The following ZNF727 variants were observed in gnomAD, a reference collection of about 807,000 sequenced individuals.
ZNF727 encodes putative zinc finger protein 727.
Under a neutral mutation model 11.5 loss-of-function variants are expected in ZNF727, and 11 were observed. The ratio of observed to expected loss-of-function variants is 0.95; its 90% CI spans 0.60 to 1.58. The LOEUF (loss-of-function observed/expected upper bound fraction) is 1.58. Among genes scored for constraint, ZNF727 ranks in the 40% most tolerant of loss-of-function variants. The pLI is 0.00. For missense variants in ZNF727, 533 were observed against 581.7 expected, an observed-to-expected ratio of 0.92 and a Z score of 0.86; for synonymous variants, 171 against 196.1, an observed-to-expected ratio of 0.87 and a Z score of 1.07.
At chr7:64,075,891 A>G (rs17139136) in intron 3 of ZNF727, among the ~76,000 whole-genome samples, 4,334 of 152,288 alleles carry the variant, frequency 0.028, 205 homozygotes, top group East Asian at 0.18. Flanking sequence ...AAAAGTTCAA[A>G]TTGAACAAAA....
Position 64,078,424 on chromosome 7 carries a change from A to G in ZNF727, c.1375A>G (p.Lys459Glu). Residue 459 changes from lysine (K) to glutamate (E), a missense_variant, in exon 4 of 4, where the codon AAA (lysine) becomes GAA (glutamate). Physicochemically the swap from Lys to Glu is moderately conservative, Grantham distance 56. Coordinates refer to ENST00000456806, the MANE Select transcript of ZNF727 (RefSeq NM_001159522.3). ...EKPYKCEECG[K>E]TFTCSSSLIK... ...GCCCTACAAATGTGAAGAATGTGGC[A>G]AAACCTTTACCTGCTCCTCAAGCCT... 1.3e-6 allele frequency: 2 copies of G among 1,591,068 alleles called. No homozygotes were observed. The highest frequency in any genetic ancestry group is 1.7e-6 in the Non-Finnish European group (2 of 1,168,288).
At chr7:64,050,106 A>G (rs1789568073) in intron 1 of ZNF727, among the ~76,000 whole-genome samples, 1 of 152,020 alleles carries the variant, frequency 6.6e-6, no homozygotes, top group Admixed American at 6.5e-5. Context: ...GTCAGAAGAC[A>G]CTGTTTTTTA....
rs1283394589 is a variant in ZNF727 at position 64,079,543 on chromosome 7, A to G, written c.*994A>G. On this transcript the variant is annotated 3_prime_UTR_variant, in exon 4 of 4. Transcript: ENST00000456806. ...TTACTGTTTTCTATTTGCTTGGTAG[A>G]CTTTTCCCTTTATTTTGAGCTTATT... Among the ~76,000 whole-genome samples the G allele has an allele frequency of 1.3e-5, 2 of 152,134 alleles. No homozygotes were observed. Among genetic ancestry groups the G allele is most frequent in the African/African-American group, 4.8e-5 (2 of 41,442 alleles).
In ZNF727 at chr7:64,081,576, C is replaced by G. The variant is rs1018759912; in HGVS notation, c.*3027C>G. Among the ~76,000 whole-genome samples, 1 of 152,054 alleles carries G rather than the reference C, an allele frequency of 6.6e-6. No individual in the cohort carries two copies. Among genetic ancestry groups the G allele is most frequent in the African/African-American group, 2.4e-5 (1 of 41,396 alleles). On this transcript the variant is annotated 3_prime_UTR_variant, in exon 4 of 4. Transcript: ENST00000456806. ...TCACAGGGGCTGCCTTGCCGGAGCT[C>G]TTCATGGGTCAGGCATGGCCCACCA... is the stretch of plus-strand genomic sequence containing the variant.
intron 1 of ZNF727, among the ~76,000 whole-genome samples, chr7:64,052,381 T>C (rs1316559796): frequency 0.04 from 491 of 12,180 alleles, 2 homozygotes; most frequent in Middle Eastern, 0.077. Context: ...TCTCTCTCTT[T>C]TTTTTTTTTT....
chr7:64,055,244 C>A (rs1789664729), intron 1 of ZNF727, among the ~76,000 whole-genome samples: 1 of 151,998 alleles, frequency 6.6e-6, no homozygotes, highest in Middle Eastern at 3.4e-3. Flanking sequence ...TGGTGAAACT[C>A]CATATCTACT....
intron 1 of ZNF727, among the ~76,000 whole-genome samples, chr7:64,067,362 A>C (rs190435388): frequency 6.6e-6 from 1 of 151,714 alleles, no homozygotes; most frequent in East Asian, 1.9e-4. Flanking sequence ...AACCAGAAAT[A>C]TTGACCCAGC....
chr7:64,047,835 C>G (rs1185893567), intron 1 of ZNF727, among the ~76,000 whole-genome samples: 1 of 152,252 alleles, frequency 6.6e-6, no homozygotes, highest in African/African-American at 2.4e-5. Flanking sequence ...GAAAAAGGCA[C>G]AAATGCATCT....
chr7:64,073,448 CT>C (rs141437202), intron 3 of ZNF727, among the ~76,000 whole-genome samples: 2 of 151,150 alleles, frequency 1.3e-5, no homozygotes, highest in East Asian at 1.9e-4. Context: ...CTACTGGGTT[CT>C]TTTTTTTCTT....
chr7:64,078,765 T>C lies in ZNF727; in HGVS notation c.*216T>C, dbSNP rs1345112154. 6.6e-6 allele frequency among the ~76,000 whole-genome samples: 1 copy of C among 151,470 alleles called. No homozygotes were observed. Among genetic ancestry groups the C allele is most frequent in the Non-Finnish European group, 1.5e-5 (1 of 67,850 alleles). On this transcript the variant is annotated 3_prime_UTR_variant, in exon 4 of 4. Coordinates refer to ENST00000456806, the MANE Select transcript of ZNF727 (RefSeq NM_001159522.3). ...CAAATGTGAAGAATGCGGCAAAACC[T>C]GTGTTTCTCAGACCTGACTAATCAA...
At chr7:64,075,360 A>G (rs184478639) in intron 3 of ZNF727, among the ~76,000 whole-genome samples, 193 of 152,198 alleles carry the variant, frequency 1.3e-3, no homozygotes, top group Non-Finnish European at 1.7e-3. Flanking sequence ...TGCCTATTTC[A>G]TCATATTTTC....
chr7:64,069,585 C>G lies in ZNF727; in HGVS notation c.202C>G (p.Gln68Glu). Residue 68 changes from glutamine to glutamate, a missense_variant, in exon 3 of 4, where the codon CAG (glutamine) becomes GAG (glutamate). By Grantham distance (29) the Gln-to-Glu change is conservative. Coordinates refer to ENST00000456806, the MANE Select transcript of ZNF727 (RefSeq NM_001159522.3). ...QRKEPWNARRQKTVAKHPAGS... is the reference protein window; with the variant it reads ...QRKEPWNARREKTVAKHPAGS... ...AAAAGAGCCTTGGAATGCGAGGAGA[C>G]AGAAGACAGTAGCCAAACACCCAGG... 2 of 1,562,892 alleles carry G rather than the reference C, an allele frequency of 1.3e-6. No individual in the cohort carries two copies. Among genetic ancestry groups the G allele is most frequent in the Admixed American group, 1.9e-5 (1 of 52,238 alleles).
Position 64,083,837 on chromosome 7 carries a change from T to G in ZNF727, c.*5288T>G, listed in dbSNP as rs1446701958. Among the ~76,000 whole-genome samples, 1 of 152,192 alleles carries G rather than the reference T, an allele frequency of 6.6e-6. No homozygotes were observed. Reference sequence around the variant, plus strand: ...TTTCATTAGTTCCAATGCAAGTACCTGGATGTTTCAGTTGAAGGTGCTGTA... The same window carrying G: ...TTTCATTAGTTCCAATGCAAGTACCGGGATGTTTCAGTTGAAGGTGCTGTA... On this transcript the variant is annotated 3_prime_UTR_variant, in exon 4 of 4. Coordinates refer to ENST00000456806, the MANE Select transcript of ZNF727 (RefSeq NM_001159522.3).
chr7:64,082,439 G>A lies in ZNF727; in HGVS notation c.*3890G>A, dbSNP rs188610218. Among the ~76,000 whole-genome samples, 28 of 152,310 alleles carry A rather than the reference G, an allele frequency of 1.8e-4. No homozygotes were observed. In the East Asian group the frequency reaches 2.1e-3, roughly 12 times the overall value. On this transcript the variant is annotated 3_prime_UTR_variant, in exon 4 of 4. Transcript: ENST00000456806. ...GTGAATACTGTAAAACAGCAACAAT[G>A]GCAGCATGCCCTTTTTTCTAAGAGC... is the stretch of plus-strand genomic sequence containing the variant.
At chr7:64,075,787 G>T (rs367764598) in intron 3 of ZNF727, among the ~76,000 whole-genome samples, 1 of 152,036 alleles carries the variant, frequency 6.6e-6, no homozygotes, top group Admixed American at 6.6e-5. Context: ...GTACTGTGCC[G>T]TCTACCTGAG....
In ZNF727 at chr7:64,059,232, C is replaced by T. The variant is rs1011210250; in HGVS notation, c.4-9659C>T. On this transcript the variant is annotated intron_variant, in intron 1 of 3. Coordinates refer to ENST00000456806, the MANE Select transcript of ZNF727 (RefSeq NM_001159522.3). ...TGCTGGGATTACAGGCATGAGCCGCCGCACCTGGCTGGCTATTGCATTGTC... is the reference window on the plus strand; with the variant it reads ...TGCTGGGATTACAGGCATGAGCCGCTGCACCTGGCTGGCTATTGCATTGTC... Among the ~76,000 whole-genome samples, 7 of 152,036 alleles carry T rather than the reference C, an allele frequency of 4.6e-5. No homozygotes were observed. The East Asian group carries it at 7.7e-4, about 17-fold the overall frequency.
intron 1 of ZNF727, among the ~76,000 whole-genome samples, chr7:64,067,021 C>G (rs1789880022): frequency 6.6e-6 from 1 of 152,018 alleles, no homozygotes; most frequent in Non-Finnish European, 1.5e-5. Flanking sequence ...AGGCTAATAT[C>G]CAGAATCTGC....
At chr7:64,073,320 T>C (rs1256756136) in intron 3 of ZNF727, among the ~76,000 whole-genome samples, 2 of 151,300 alleles carry the variant, frequency 1.3e-5, no homozygotes, top group Non-Finnish European at 2.9e-5. Flanking sequence ...TTTTTTTTTT[T>C]CATGACTCAA....
chr7:64,053,835 A>C (rs1268197256), intron 1 of ZNF727, among the ~76,000 whole-genome samples: 20 of 152,154 alleles, frequency 1.3e-4, no homozygotes, highest in Admixed American at 1.3e-3. Flanking sequence ...AAAACACACT[A>C]ATACACGGAG....
Sources: gnomAD v4.1 joint callset for allele counts (sites outside exome capture counted in the v4.1 genomes callset) on GRCh38, gnomAD v4.1.1 for gene constraint, MANE v1.5 for transcripts, NCBI Gene and HGNC (gene_info 2026-07-23, HGNC 2026-07-21) for gene names.